The following OR56A3 variants were observed in gnomAD, a reference collection of about 807,000 sequenced individuals.
OR56A3 encodes olfactory receptor 56A3.
In OR56A3, 23 loss-of-function variants were observed where a neutral mutation model predicts 17.5. The ratio of observed to expected loss-of-function variants is 1.32; its 90% CI spans 0.95 to 1.87. The LOEUF (loss-of-function observed/expected upper bound fraction) is 1.87. Ranked by LOEUF, OR56A3 falls within the 40% of genes most tolerant of loss-of-function variation. The pLI, the probability that OR56A3 is intolerant of heterozygous loss-of-function variation, is 0.00. For synonymous variants in OR56A3, 175 were observed against 150.6 expected (o/e 1.16, Z -1.19); for missense variants, 366 against 380.1 (o/e 0.96, Z 0.31).
At chr11:5,973,324 T>C in the OR56A3 span, among the ~76,000 whole-genome samples, 1 of 152,170 alleles carries the variant, frequency 6.6e-6, no homozygotes, top group Non-Finnish European at 1.5e-5. Context: ...ACTTTCCTAA[T>C]ATGGACTACT....
Position 5,947,877 on chromosome 11 carries a change from C to G in OR56A3, c.531C>G (p.Val177=). The G allele has an allele frequency of 6.2e-7, 1 of 1,614,208 alleles. No individual in the cohort carries two copies. Among genetic ancestry groups the G allele is most frequent in the Non-Finnish European group, 8.5e-7 (1 of 1,180,042 alleles). The part of the protein sequence containing the change: ...SAQLRYCGRN[V]IENCICANMS... Reference sequence around the variant, plus strand: ...AACTCCGTTATTGTGGAAGAAATGTCATTGAGAACTGCATCTGTGCCAATA... The same window carrying G: ...AACTCCGTTATTGTGGAAGAAATGTGATTGAGAACTGCATCTGTGCCAATA... The change falls in exon 3 of 3, where the codon GTC becomes GTG. Residue 177 remains valine, a synonymous_variant. Coordinates refer to ENST00000641160, the MANE Select transcript of OR56A3 (RefSeq NM_001003443.3).
chr11:6,002,619 CG>C, the OR56A3 span: 83 of 1,614,050 alleles, frequency 5.1e-5, no homozygotes, highest in Non-Finnish European at 1.2e-5. Context: ...GGCCACATAA[CG>C]GTCATAGGCC....
the OR56A3 span, among the ~76,000 whole-genome samples, chr11:5,993,670 A>T: frequency 6.6e-6 from 1 of 152,258 alleles, no homozygotes; most frequent in Non-Finnish European, 1.5e-5. Context: ...GAGAAATATT[A>T]ATATAATGCA....
the OR56A3 span, among the ~76,000 whole-genome samples, chr11:5,987,911 A>G: frequency 6.6e-6 from 1 of 152,146 alleles, no homozygotes; most frequent in African/African-American, 2.4e-5. Context: ...TAAAATGCAG[A>G]TCTCATCATA....
chr11:5,971,538 T>C, the OR56A3 span, among the ~76,000 whole-genome samples: 135 of 152,318 alleles, frequency 8.9e-4, 1 homozygote, highest in African/African-American at 3.2e-3. Context: ...ACCTGGATTT[T>C]ACTAAGAAGA....
the OR56A3 span, chr11:6,006,533 A>G: frequency 1.3e-5 from 2 of 152,248 alleles, no homozygotes; most frequent in Non-Finnish European, 2.9e-5. Context: ...CAAAATGGCA[A>G]TGGAAGATTT....
the OR56A3 span, among the ~76,000 whole-genome samples, chr11:5,974,573 T>C: frequency 1.3e-5 from 2 of 152,326 alleles, no homozygotes; most frequent in Non-Finnish European, 1.5e-5. Flanking sequence ...GATAACTAAC[T>C]TTCCAAGGCA....
At chr11:5,962,952 A>C in the OR56A3 span, among the ~76,000 whole-genome samples, 1 of 152,142 alleles carries the variant, frequency 6.6e-6, no homozygotes, top group African/African-American at 2.4e-5. Flanking sequence ...AAAATGCTTC[A>C]ATTTCTTCGA....
rs1847906280 is a variant in OR56A3, at chr11:5,951,294, A to T, written c.*3000A>T. 6.6e-6 allele frequency: 1 copy of T among 152,166 alleles called. No individual in the cohort carries two copies. The highest frequency in any genetic ancestry group is 2.4e-5 in the African/African-American group (1 of 41,454). 9.4% of individuals were successfully genotyped at this position (152,166 alleles called of 1,614,324 possible). ...CATTAATACGTTAAAGGTTTATCAG[A>T]AGGTAAATGATAAACATTATTTGTA... On this transcript the variant is annotated 3_prime_UTR_variant, in exon 3 of 3. Transcript: ENST00000641160.
the OR56A3 span, among the ~76,000 whole-genome samples, chr11:6,012,455 C>T: frequency 5.3e-5 from 8 of 152,112 alleles, no homozygotes; most frequent in Non-Finnish European, 8.8e-5. Context: ...AGCTGGTCAT[C>T]CTGTTGTCTG....
chr11:5,968,573 C>G, the OR56A3 span: 1 of 1,074,558 alleles, frequency 9.3e-7, no homozygotes, highest in Non-Finnish European at 1.3e-6. Context: ...GAAAACAAAG[C>G]TGTTAAAATA....
At chr11:6,020,385 A>G in the OR56A3 span, 1 of 152,098 alleles carries the variant, frequency 6.6e-6, no homozygotes, top group East Asian at 1.9e-4. Flanking sequence ...TTGAATCTGT[A>G]AATTGCTTTT....
the OR56A3 span, among the ~76,000 whole-genome samples, chr11:5,984,137 T>C: frequency 1.3e-5 from 2 of 152,242 alleles, no homozygotes; most frequent in Non-Finnish European, 2.9e-5. Context: ...CTCTCCTCTA[T>C]CCTCTGGTTC....
the OR56A3 span, chr11:5,994,302 G>T: frequency 1.5e-6 from 1 of 646,408 alleles, no homozygotes; most frequent in Non-Finnish European, 2.9e-6. Flanking sequence ...CAGCAGCTCC[G>T]ACCTTGGCGG....
downstream of OR56A3, among the ~76,000 whole-genome samples, chr11:5,953,189 G>GA (rs1371465385): frequency 1.3e-5 from 2 of 152,184 alleles, no homozygotes; most frequent in Non-Finnish European, 2.9e-5. Context: ...TGCTGAGTTG[G>GA]ATGGTAATTC....
chr11:5,959,710 T>C, the OR56A3 span, among the ~76,000 whole-genome samples: 1 of 152,212 alleles, frequency 6.6e-6, no homozygotes, highest in South Asian at 2.1e-4. Flanking sequence ...TTGTTTTCTA[T>C]GCTTTTGAGG....
At chr11:5,968,420 G>T in the OR56A3 span, 6 of 1,606,936 alleles carry the variant, frequency 3.7e-6, no homozygotes, top group Non-Finnish European at 5.1e-6. Flanking sequence ...AGTGCTGCCA[G>T]CTCTGGAAAC....
the OR56A3 span, chr11:5,967,927 GT>G: frequency 8.8e-6 from 14 of 1,595,302 alleles, no homozygotes; most frequent in Non-Finnish European, 1.2e-5. Context: ...TCACAAGAGA[GT>G]TTAGACACAG....
At position 5,947,817 on chromosome 11, in the gene OR56A3, G is replaced by T. The variant is rs1459734798; in HGVS notation, c.471G>T (p.Val157=). Residue 157 remains valine (V), a synonymous_variant, in exon 3 of 3, where the codon GTG becomes GTT. Coordinates refer to ENST00000641160, the MANE Select transcript of OR56A3 (RefSeq NM_001003443.3). The part of the protein sequence containing the change: ...KAAMFILTRN[V]LMTLPIPILS... ...CCATGTTTATTTTGACCAGAAATGT[G>T]CTTATGACTCTGCCCATCCCCATCC... 6.2e-7 allele frequency: 1 copy of T among 1,614,160 alleles called. No homozygotes were observed. The highest frequency in any genetic ancestry group is 8.5e-7 in the Non-Finnish European group (1 of 1,180,014).
Sources: gnomAD v4.1 joint callset for allele counts (sites outside exome capture counted in the v4.1 genomes callset) on GRCh38, gnomAD v4.1.1 for gene constraint, MANE v1.5 for transcripts, NCBI Gene and HGNC (gene_info 2026-07-23, HGNC 2026-07-21) for gene names.